PDE10A: variants seen among roughly 807,000 people sequenced by gnomAD.
The protein encoded by PDE10A is cAMP and cAMP-inhibited cGMP 3',5'-cyclic phosphodiesterase 10A.
Under a neutral mutation model 97.7 loss-of-function variants are expected in PDE10A, and 39 were observed. The ratio of observed to expected loss-of-function variants is 0.40; its 90% CI spans 0.31 to 0.52. The LOEUF is 0.52. Among genes scored for constraint, PDE10A ranks in the 20% least tolerant of loss-of-function variants. The probability of loss-of-function intolerance (pLI) is 0.56; values close to 1 mark genes in which losing one functional copy is unlikely to be tolerated. For missense variants in PDE10A, 731 were observed against 1,047.8 expected (o/e 0.70, Z 4.17); for synonymous variants, 371 against 376.8 (o/e 0.98, Z 0.18).
chr6:165,978,950 G>A (rs1784926014), intron 1 of PDE10A, among the ~76,000 whole-genome samples: 1 of 152,062 alleles, frequency 6.6e-6, no homozygotes, highest in Admixed American at 6.6e-5. Flanking sequence ...AAAAGGAGGA[G>A]GAGGTGGAGG....
chr6:165,498,491 A>ATGAAAGTG, intron 2 of PDE10A, among the ~76,000 whole-genome samples: 1 of 144,810 alleles, frequency 6.9e-6, no homozygotes. Context: ...AGAGTTTAGC[A>ATGAAAGTG]TGAAAGTGTG....
chr6:165,372,550 G>T (rs780022779), intron 18 of PDE10A, among the ~76,000 whole-genome samples: 11,317 of 146,810 alleles, frequency 0.077, 510 homozygotes, highest in Middle Eastern at 0.18. Flanking sequence ...CAAGGAGAAC[G>T]ACAAACCACT....
chr6:165,589,787 A>G (rs1045545009), intron 1 of PDE10A, among the ~76,000 whole-genome samples: 3 of 152,348 alleles, frequency 2.0e-5, no homozygotes, highest in Admixed American at 6.5e-5. Flanking sequence ...TTATCTGCAT[A>G]TGGTATGAAC....
At chr6:165,713,396 G>A (rs1791950300) in intron 1 of PDE10A, among the ~76,000 whole-genome samples, 2 of 152,354 alleles carry the variant, frequency 1.3e-5, no homozygotes, top group East Asian at 1.9e-4. Context: ...CAGAAGTGAC[G>A]TAAGATTTAA....
intron 1 of PDE10A, among the ~76,000 whole-genome samples, chr6:165,864,744 C>CA (rs1295920596): frequency 1.3e-5 from 2 of 151,896 alleles, no homozygotes; most frequent in Non-Finnish European, 2.9e-5. Context: ...TTATACTAGG[C>CA]AAAAAAATTA....
chr6:165,340,856 C>T (rs1781930951), intron 19 of PDE10A, among the ~76,000 whole-genome samples: 2 of 152,240 alleles, frequency 1.3e-5, no homozygotes, highest in African/African-American at 4.8e-5. Context: ...ACACGGAGGT[C>T]ATGATTTTGG....
intron 1 of PDE10A, among the ~76,000 whole-genome samples, chr6:165,922,317 G>C (rs1782779406): frequency 6.6e-6 from 1 of 152,178 alleles, no homozygotes; most frequent in Admixed American, 6.5e-5. Context: ...GGCACACAGA[G>C]TCTAATGAGT....
intron 2 of PDE10A, among the ~76,000 whole-genome samples, chr6:165,494,348 AG>A (rs1327097681): frequency 2.6e-5 from 4 of 151,944 alleles, no homozygotes; most frequent in African/African-American, 9.7e-5. Context: ...AGGTCATTAT[AG>A]AAAAAAGATA....
intron 2 of PDE10A, among the ~76,000 whole-genome samples, chr6:165,540,921 C>T (rs780510122): frequency 1.1e-4 from 16 of 152,138 alleles, no homozygotes; most frequent in East Asian, 7.7e-4. Context: ...TAAGTCACCA[C>T]GCCCAGAGAA....
chr6:165,900,368 A>T (rs543718894), intron 1 of PDE10A, among the ~76,000 whole-genome samples: 1 of 152,214 alleles, frequency 6.6e-6, no homozygotes, highest in Admixed American at 6.5e-5. Flanking sequence ...GCTACTCCAG[A>T]GGCTGAGGCA....
chr6:165,764,426 C>T (rs573340060), intron 1 of PDE10A, among the ~76,000 whole-genome samples: 1 of 152,242 alleles, frequency 6.6e-6, no homozygotes, highest in Non-Finnish European at 1.5e-5. Context: ...ATTATTCTCC[C>T]TATTGGTGTG....
chr6:165,923,630 C>A (rs997329491), intron 1 of PDE10A, among the ~76,000 whole-genome samples: 30 of 152,182 alleles, frequency 2.0e-4, no homozygotes, highest in Admixed American at 1.9e-3. Flanking sequence ...GCACTGGCAG[C>A]CTTCTTAACA....
intron 18 of PDE10A, among the ~76,000 whole-genome samples, chr6:165,361,032 A>G (rs1013270119): frequency 3.3e-5 from 5 of 152,250 alleles, no homozygotes; most frequent in African/African-American, 7.2e-5. Flanking sequence ...CAAGCCAGAC[A>G]TTTATCAAAT....
chr6:165,484,348 C>T (rs1321578178), intron 2 of PDE10A, among the ~76,000 whole-genome samples: 1 of 152,184 alleles, frequency 6.6e-6, no homozygotes, highest in South Asian at 2.1e-4. Flanking sequence ...AGGAGGTGAG[C>T]GGCGGCAAGC....
rs1367353058 is a variant in PDE10A, at chr6:165,819,210, C to A, written c.-615+168319G>T. The stretch of plus-strand genomic sequence containing the variant: ...CTCACCTACTCCCTCACCTGCACTT[C>A]CAGCATCCTGAGCCCAGTCAGCACA... On this transcript the variant is annotated intron_variant, in intron 1 of 19. Transcript: ENST00000366882. This position sits in a 1 kb window ranked among gnomAD's most constrained non-coding sequence, Gnocchi z 4.2. 6.6e-6 allele frequency among the ~76,000 whole-genome samples: 1 copy of A among 152,194 alleles called. No homozygotes were observed. The highest frequency in any genetic ancestry group is 2.4e-5 in the African/African-American group (1 of 41,446).
At chr6:165,856,011 T>C (rs1780723025) in intron 1 of PDE10A, among the ~76,000 whole-genome samples, 1 of 152,196 alleles carries the variant, frequency 6.6e-6, no homozygotes, top group Admixed American at 6.5e-5. Flanking sequence ...CTTTACTTCA[T>C]GACTCATCAG....
At chr6:165,568,168 T>G (rs2128342552) in intron 1 of PDE10A, among the ~76,000 whole-genome samples, 2 of 151,948 alleles carry the variant, frequency 1.3e-5, no homozygotes, top group South Asian at 2.1e-4. Context: ...CTGGCTAATT[T>G]TTTTGTATTT....
chr6:165,754,494 T>C (rs553596174), intron 1 of PDE10A: 18 of 152,344 alleles, frequency 1.2e-4, no homozygotes, highest in Non-Finnish European at 2.6e-4. Context: ...GCTTTAGAAG[T>C]AGTTTTTGAA....
chr6:165,395,272 T>G lies in PDE10A; in HGVS notation c.2220-8A>C, dbSNP rs753971320. 5.6e-6 allele frequency: 9 copies of G among 1,593,694 alleles called. No homozygotes were observed. Among genetic ancestry groups the G allele is most frequent in the Non-Finnish European group, 7.7e-6 (9 of 1,161,810 alleles). On this transcript the variant is annotated splice_region_variant and splice_polypyrimidine_tract_variant and intron_variant, in intron 14 of 21. Transcript: ENST00000539869. The stretch of plus-strand genomic sequence containing the variant: ...CCAATGTCAAAGTGGAATCTGAAAT[T>G]TTAAAAGGGCAGTTTATCACTAAAC...
Sources: allele counts gnomAD v4.1 joint callset (sites outside exome capture counted in the v4.1 genomes callset), GRCh38; gene constraint gnomAD v4.1.1; non-coding constraint Gnocchi (gnomAD v3.1); transcripts MANE v1.5; gene names NCBI Gene and HGNC (gene_info 2026-07-23, HGNC 2026-07-21).